Variants in PTPRN2 observed in about 807,000 individuals in gnomAD.
PTPRN2 encodes the protein protein tyrosine phosphatase receptor type N2.
In PTPRN2, 74 loss-of-function variants were observed where a neutral mutation model predicts 118.8. That is an observed-to-expected ratio of 0.62 (90% confidence interval 0.52 to 0.76). PTPRN2 has a LOEUF of 0.76. PTPRN2 is among the 30% of genes least tolerant of loss of function. The probability of loss-of-function intolerance (pLI) is 0.00; values close to 1 mark genes in which losing one functional copy is unlikely to be tolerated. For missense variants in PTPRN2, 1,481 were observed against 1,394.4 expected, an observed-to-expected ratio of 1.06 and a Z score of -0.99; for synonymous variants, 641 against 608.0, an observed-to-expected ratio of 1.05 and a Z score of -0.80.
intron 6 of PTPRN2, among the ~76,000 whole-genome samples, chr7:158,143,911 C>T (rs1392262165): frequency 3.9e-5 from 6 of 152,156 alleles, no homozygotes; most frequent in Admixed American, 3.9e-4. Context: ...TTCCTGAGCT[C>T]CCAGGCAGCA....
At chr7:158,538,406 G>A (rs535731870) in intron 1 of PTPRN2, among the ~76,000 whole-genome samples, 7 of 152,292 alleles carry the variant, frequency 4.6e-5, no homozygotes, top group African/African-American at 7.2e-5. Context: ...ACTCGCAGGC[G>A]ACCTCCAGCG....
At chr7:158,030,781 G>T (rs1172343964) in intron 11 of PTPRN2, 2 of 152,400 alleles carry the variant, frequency 1.3e-5, no homozygotes, top group African/African-American at 4.8e-5. Flanking sequence ...AGACCCTGGG[G>T]GGTGCAGGGC....
chr7:158,257,519 G>A (rs1002727035), intron 3 of PTPRN2, among the ~76,000 whole-genome samples: 15 of 152,186 alleles, frequency 9.9e-5, no homozygotes, highest in African/African-American at 3.4e-4. Context: ...CCTTCTGGGG[G>A]GCCCTCAAGC....
At chr7:157,708,657 A>G (rs1230804511) in intron 12 of PTPRN2, among the ~76,000 whole-genome samples, 1 of 152,150 alleles carries the variant, frequency 6.6e-6, no homozygotes, top group African/African-American at 2.4e-5. Context: ...ACACATGCAT[A>G]GTCACAAGCG....
At chr7:158,443,932 G>T (rs1439306223) in intron 2 of PTPRN2, among the ~76,000 whole-genome samples, 1 of 152,164 alleles carries the variant, frequency 6.6e-6, no homozygotes, top group Non-Finnish European at 1.5e-5. Flanking sequence ...GGGTGTCTGG[G>T]CTCACACCCA....
chr7:158,467,626 G>T (rs1165209103), intron 2 of PTPRN2, among the ~76,000 whole-genome samples: 1 of 152,048 alleles, frequency 6.6e-6, no homozygotes, highest in Non-Finnish European at 1.5e-5. Context: ...TTTTGAGAAC[G>T]GTGTAAGGTA....
chr7:158,085,258 T>C (rs1250065458), intron 10 of PTPRN2, among the ~76,000 whole-genome samples: 53 of 74,358 alleles, frequency 7.1e-4, no homozygotes, highest in East Asian at 1.5e-3. Flanking sequence ...TCCACACCCA[T>C]GACACCCATC....
Position 158,071,365 on chromosome 7 carries a change from T to C in PTPRN2, c.1723+9933A>G, listed in dbSNP as rs111162919. Among the ~76,000 whole-genome samples the C allele has an allele frequency of 4.9e-3, 477 of 96,420 alleles. 1 individual carries two copies. The highest frequency in any genetic ancestry group is 7.5e-3 in the Non-Finnish European group (351 of 46,696). 63.3% of individuals were successfully genotyped at this position (96,420 alleles called of 152,430 possible). On this transcript the variant is annotated intron_variant, in intron 11 of 22. Transcript: ENST00000389418. ...GAGGTGCTCGTGGTGGTGGAGGTGC[T>C]CATGGTGGTGGAGGTGCTCGTGGTG... is the stretch of plus-strand genomic sequence containing the variant.
chr7:157,740,153 C>T (rs1314030291), intron 12 of PTPRN2: 1 of 152,268 alleles, frequency 6.6e-6, no homozygotes, highest in Non-Finnish European at 1.5e-5. Flanking sequence ...TGTACACATA[C>T]ACCCACTTTG....
At position 158,587,616 on chromosome 7, in the gene PTPRN2, G is replaced by T. The variant is rs1427464806; in HGVS notation, c.54C>A (p.Arg18=). The T allele has an allele frequency of 7.3e-7, 1 of 1,361,676 alleles. No individual in the cohort carries two copies. The highest frequency in any genetic ancestry group is 3.6e-5 in the Admixed American group (1 of 27,826). The allele number at this position is 1,361,676 out of a possible 1,614,324, so 84.3% of individuals were successfully genotyped here. A position where few individuals can be genotyped will look rare whatever the true frequency, so the allele number is the denominator to read the frequency against. ...CGGACGAAGGGGCGGCAGGCAGGAC[G>T]CGTGGCGGCAGCAGCAGCAGTAGCA... ...LLLLLLLLPP[R]VLPAAPSSVP... is the part of the protein sequence containing the mutation. Residue 18 remains arginine, a synonymous_variant, in exon 1 of 23, where the codon CGC becomes CGA. Transcript: ENST00000389418.
intron 10 of PTPRN2, among the ~76,000 whole-genome samples, chr7:158,091,635 G>T (rs113112090): frequency 6.8e-6 from 1 of 147,800 alleles, no homozygotes; most frequent in African/African-American, 2.5e-5. Context: ...TGGGTGGGTG[G>T]GTGAGAGATA....
chr7:157,919,083 A>T (rs78110738), intron 11 of PTPRN2, among the ~76,000 whole-genome samples: 23 of 152,338 alleles, frequency 1.5e-4, no homozygotes, highest in African/African-American at 5.5e-4. Context: ...AGCTCCCACA[A>T]GGGTCCTACA....
At chr7:157,917,604 CACTT>C (rs1459924908) in intron 11 of PTPRN2, among the ~76,000 whole-genome samples, 7 of 152,092 alleles carry the variant, frequency 4.6e-5, no homozygotes, top group South Asian at 2.1e-4. Context: ...GTTTCAATCT[CACTT>C]ACATTAATTT....
intron 2 of PTPRN2, among the ~76,000 whole-genome samples, chr7:158,352,931 C>T (rs994606333): frequency 3.3e-5 from 5 of 152,220 alleles, no homozygotes; most frequent in African/African-American, 4.8e-5. Flanking sequence ...CCAGGGCCTG[C>T]ACCAGGCCAC....
chr7:158,176,922 G>A (rs916154603), intron 5 of PTPRN2, among the ~76,000 whole-genome samples: 6 of 152,224 alleles, frequency 3.9e-5, no homozygotes, highest in African/African-American at 1.4e-4. Context: ...CTAAGCAGAG[G>A]GCTGTGAGGG....
chr7:158,031,809 A>C (rs1197432460), intron 11 of PTPRN2, among the ~76,000 whole-genome samples: 1 of 152,246 alleles, frequency 6.6e-6, no homozygotes, highest in Non-Finnish European at 1.5e-5. Context: ...TCGAGTAAAA[A>C]AGGTGGGCGG....
At chr7:158,133,607 G>A (rs1053295347) in intron 9 of PTPRN2, 70 bp downstream of exon 9, 50 of 1,500,420 alleles carry the variant, frequency 3.3e-5, no homozygotes, top group South Asian at 2.7e-4. Context: ...GCAAGGAGGC[G>A]CCCCACCTCC....
rs2151233470 is a variant in PTPRN2 at position 157,861,258 on chromosome 7, A to T, written c.1788+37415T>A. 6.6e-6 allele frequency among the ~76,000 whole-genome samples: 1 copy of T among 152,338 alleles called. No homozygotes were observed. The highest frequency in any genetic ancestry group is 2.1e-4 in the South Asian group (1 of 4,826). On this transcript the variant is annotated intron_variant, in intron 12 of 22. Coordinates refer to ENST00000389418, the MANE Select transcript of PTPRN2 (RefSeq NM_002847.5). This position sits in a 1 kb window ranked among gnomAD's most constrained non-coding sequence, Gnocchi z 5.8. ...TACCTTTTACATACGTGAAGTCTAT[A>T]CAATAATGGAACCGAAGCCCTCTGT...
In PTPRN2 at chr7:157,540,502, C is replaced by T. The variant is rs566049778; in HGVS notation, c.*212G>A. On this transcript the variant is annotated 3_prime_UTR_variant, in exon 23 of 23. Transcript: ENST00000389418. ...TGAAAATTGATGAACCGATTCCCCTCCACCCGTAACTGGATTTTTCCACAA... is the reference window on the plus strand; with the variant it reads ...TGAAAATTGATGAACCGATTCCCCTTCACCCGTAACTGGATTTTTCCACAA... The T allele has an allele frequency of 1.2e-5, 5 of 420,726 alleles. No homozygotes were observed. The highest frequency in any genetic ancestry group is 1.0e-4 in the African/African-American group (5 of 48,860). The allele number at this position is 420,726 out of a possible 1,614,324, so 26.1% of individuals were successfully genotyped here.
Sources: allele counts gnomAD v4.1 joint callset (sites outside exome capture counted in the v4.1 genomes callset), GRCh38; gene constraint gnomAD v4.1.1; non-coding constraint Gnocchi (gnomAD v3.1); transcripts MANE v1.5; gene names NCBI Gene and HGNC (gene_info 2026-07-23, HGNC 2026-07-21).